Variants in UNC5C observed in about 807,000 individuals in gnomAD.
UNC5C encodes unc-5 netrin receptor C.
UNC5C carries 47 observed loss-of-function variants against 99.8 expected under a neutral mutation model. The ratio of observed to expected loss-of-function variants is 0.47; its 90% CI spans 0.37 to 0.60. The LOEUF is 0.60. Ranked by LOEUF, UNC5C falls within the 20% of genes least tolerant of loss-of-function variation. The pLI is 0.00. For synonymous variants in UNC5C, 487 were observed against 452.2 expected (o/e 1.08, Z -0.98); for missense variants, 1,062 against 1,165.9 (o/e 0.91, Z 1.30).
At chr4:95,343,234 C>T (rs980722767) in intron 1 of UNC5C, among the ~76,000 whole-genome samples, 46 of 152,066 alleles carry the variant, frequency 3.0e-4, no homozygotes, top group African/African-American at 9.7e-4. Flanking sequence ...TCAGGTCTGA[C>T]CCAGCATTGT....
At chr4:95,504,446 C>T (rs1195908207) in intron 1 of UNC5C, among the ~76,000 whole-genome samples, 1 of 152,110 alleles carries the variant, frequency 6.6e-6, no homozygotes, top group Non-Finnish European at 1.5e-5. Flanking sequence ...ATGTAAAGAA[C>T]ATATATATGT....
intron 1 of UNC5C, among the ~76,000 whole-genome samples, chr4:95,505,454 G>T (rs73842307): frequency 0.088 from 13,366 of 152,056 alleles, 1,514 homozygotes; most frequent in African/African-American, 0.26. Context: ...TTTAGAAATG[G>T]AGCTATTCAA....
At chr4:95,244,255 A>C (rs184671574) in intron 6 of UNC5C, among the ~76,000 whole-genome samples, 76 of 152,350 alleles carry the variant, frequency 5.0e-4, no homozygotes, top group South Asian at 1.2e-3. Flanking sequence ...TATATTGTAT[A>C]ACGAGGCATT....
intron 1 of UNC5C, among the ~76,000 whole-genome samples, chr4:95,545,003 C>T (rs771407538): frequency 3.9e-5 from 6 of 152,220 alleles, no homozygotes; most frequent in Admixed American, 2.0e-4. Context: ...ACCTAGCATA[C>T]ATTAGAGAAC....
At chr4:95,503,406 CA>C (rs1451409042) in intron 1 of UNC5C, among the ~76,000 whole-genome samples, 2 of 152,096 alleles carry the variant, frequency 1.3e-5, no homozygotes, top group Non-Finnish European at 2.9e-5. Context: ...TGAACTAAGA[CA>C]ATATGTCACC....
intron 1 of UNC5C, among the ~76,000 whole-genome samples, chr4:95,352,153 A>G (rs1305370314): frequency 6.6e-6 from 1 of 152,118 alleles, no homozygotes; most frequent in Admixed American, 6.6e-5. Context: ...ATGCCTTTGC[A>G]CTGACCAAGT....
intron 1 of UNC5C, among the ~76,000 whole-genome samples, chr4:95,337,469 TC>T (rs1200136091): frequency 6.6e-6 from 1 of 152,088 alleles, no homozygotes; most frequent in East Asian, 1.9e-4. Flanking sequence ...AATTGATTAC[TC>T]TGCCTTGCCA....
chr4:95,212,313 A>G (rs1249550470), intron 10 of UNC5C, among the ~76,000 whole-genome samples: 1 of 139,206 alleles, frequency 7.2e-6, no homozygotes, highest in Non-Finnish European at 1.6e-5. Flanking sequence ...CTTTCTTTAC[A>G]TTTTTACTTT....
chr4:95,181,842 C>A (rs886371666), intron 14 of UNC5C, among the ~76,000 whole-genome samples: 9 of 152,332 alleles, frequency 5.9e-5, no homozygotes, highest in Non-Finnish European at 1.2e-4. Flanking sequence ...GGAAGATGGT[C>A]TTTAAATATG....
At position 95,485,639 on chromosome 4, in the gene UNC5C, C is replaced by T. The variant is rs182324919; in HGVS notation, c.124+63095G>A. On this transcript the variant is annotated intron_variant, in intron 1 of 15. Coordinates refer to ENST00000453304, the MANE Select transcript of UNC5C (RefSeq NM_003728.4). The stretch of plus-strand genomic sequence containing the variant: ...AAAACTGAATGATGATGATATGTCC[C>T]TGAATTACTACAGTCAGATATAAAT... Among the ~76,000 whole-genome samples the T allele has an allele frequency of 2.0e-5, 3 of 151,796 alleles. No individual in the cohort carries two copies. The East Asian group carries it at 5.9e-4, about 30-fold the overall frequency.
At chr4:95,378,733 C>G (rs925470471) in intron 1 of UNC5C, among the ~76,000 whole-genome samples, 1 of 152,106 alleles carries the variant, frequency 6.6e-6, no homozygotes, top group Non-Finnish European at 1.5e-5. Context: ...GTTTTAAAAT[C>G]TTGACAAAAT....
intron 14 of UNC5C, among the ~76,000 whole-genome samples, chr4:95,174,485 T>A (rs1560712990): frequency 6.6e-6 from 1 of 152,242 alleles, no homozygotes; most frequent in Non-Finnish European, 1.5e-5. Flanking sequence ...TATTTCTGCC[T>A]TCATTTTGTT....
At chr4:95,326,529 AC>A (rs1742889901) in intron 2 of UNC5C, among the ~76,000 whole-genome samples, 1 of 152,198 alleles carries the variant, frequency 6.6e-6, no homozygotes, top group African/African-American at 2.4e-5. Context: ...GGTATGTATT[AC>A]TATATTACCA....
intron 14 of UNC5C, among the ~76,000 whole-genome samples, chr4:95,176,795 G>C (rs1332045661): frequency 1.3e-5 from 2 of 152,238 alleles, no homozygotes; most frequent in African/African-American, 2.4e-5. Flanking sequence ...TGGCTGCTTT[G>C]TTTACCTAAG....
intron 7 of UNC5C, among the ~76,000 whole-genome samples, chr4:95,222,602 C>T (rs1017595079): frequency 9.9e-5 from 15 of 152,004 alleles, no homozygotes; most frequent in Non-Finnish European, 1.5e-4. Flanking sequence ...AATCTTTTTT[C>T]CTTATCCCTG....
intron 10 of UNC5C, among the ~76,000 whole-genome samples, chr4:95,212,697 G>A (rs549235898): frequency 1.6e-3 from 240 of 152,080 alleles, no homozygotes; most frequent in Admixed American, 3.8e-3. Context: ...CACACTGAAC[G>A]CATCCAAACT....
chr4:95,287,789 C>T (rs531165367), intron 3 of UNC5C, among the ~76,000 whole-genome samples: 1 of 152,268 alleles, frequency 6.6e-6, no homozygotes, highest in Admixed American at 6.5e-5. Flanking sequence ...TGTTTTTATC[C>T]GATATCATGT....
At chr4:95,339,528 A>T (rs1743479018) in intron 1 of UNC5C, among the ~76,000 whole-genome samples, 1 of 152,022 alleles carries the variant, frequency 6.6e-6, no homozygotes, top group Admixed American at 6.6e-5. Flanking sequence ...GCTATAAAAA[A>T]ATTGATTTTT....
intron 1 of UNC5C, among the ~76,000 whole-genome samples, chr4:95,478,696 A>C (rs1356185547): frequency 6.6e-6 from 1 of 151,904 alleles, no homozygotes; most frequent in Non-Finnish European, 1.5e-5. Context: ...GATACAATTG[A>C]CTCTAATGTC....
Sources: allele counts gnomAD v4.1 joint callset (sites outside exome capture counted in the v4.1 genomes callset), GRCh38; gene constraint gnomAD v4.1.1; transcripts MANE v1.5; gene names NCBI Gene and HGNC (gene_info 2026-07-23, HGNC 2026-07-21).